Variants in UGGT2 observed in about 807,000 individuals in gnomAD.
The protein encoded by UGGT2 is UDP-glucose:glycoprotein glucosyltransferase 2.
UGGT2 carries 180 observed loss-of-function variants against 192.1 expected under a neutral mutation model. That is an observed-to-expected ratio of 0.94 (90% CI 0.83 to 1.06). The LOEUF (loss-of-function observed/expected upper bound fraction) is 1.06, where lower values mean the gene tolerates loss of function less well. UGGT2 is among the 50% of genes least tolerant of loss of function. The pLI, the probability that UGGT2 is intolerant of heterozygous loss-of-function variation, is 0.00. For missense variants in UGGT2, 1,849 were observed against 1,795.7 expected, an observed-to-expected ratio of 1.03 and a Z score of -0.54; for synonymous variants, 580 against 591.0, an observed-to-expected ratio of 0.98 and a Z score of 0.27.
At chr13:95,821,448 A>G (rs550515247) in intron 38 of UGGT2, among the ~76,000 whole-genome samples, 5 of 151,646 alleles carry the variant, frequency 3.3e-5, no homozygotes, top group Non-Finnish European at 7.4e-5. Flanking sequence ...TTTTCTTGCT[A>G]ATTTGAGTTT....
At chr13:95,970,023 A>G (rs1594470473) in intron 12 of UGGT2, 89 bp downstream of exon 12, 1 of 1,358,812 alleles carries the variant, frequency 7.4e-7, no homozygotes, top group African/African-American at 1.5e-5. Context: ...AAATGCTGAC[A>G]TTTATCATCA....
intron 37 of UGGT2, among the ~76,000 whole-genome samples, chr13:95,834,729 A>G (rs1887104615): frequency 6.6e-6 from 1 of 152,074 alleles, no homozygotes; most frequent in Non-Finnish European, 1.5e-5. Flanking sequence ...TGCTATTGCT[A>G]GGAAGTAGCT....
intron 4 of UGGT2, among the ~76,000 whole-genome samples, chr13:96,021,515 A>C (rs1329458361): frequency 1.3e-5 from 2 of 152,194 alleles, no homozygotes; most frequent in Non-Finnish European, 2.9e-5. Flanking sequence ...ACTTTACGAA[A>C]GTAGAATGAC....
chr13:95,805,074 C>A (rs1262966744), intron 38 of UGGT2, among the ~76,000 whole-genome samples: 1 of 151,610 alleles, frequency 6.6e-6, no homozygotes, highest in Non-Finnish European at 1.5e-5. Context: ...TATAAAGAAA[C>A]CCTGCAACTC....
intron 13 of UGGT2, 102 bp from the exon 14 acceptor site, chr13:95,948,183 G>T: frequency 1.4e-6 from 1 of 725,854 alleles, no homozygotes; most frequent in East Asian, 3.6e-5. Flanking sequence ...AATTCAATGT[G>T]TAATTTTTAA....
At chr13:95,862,680 G>C (rs1890270996) in intron 31 of UGGT2, among the ~76,000 whole-genome samples, 1 of 152,128 alleles carries the variant, frequency 6.6e-6, no homozygotes, top group Non-Finnish European at 1.5e-5. Context: ...TGTTTGGAAA[G>C]AGGCAACTTC....
At chr13:95,873,887 A>T (rs1187515079) in intron 29 of UGGT2, among the ~76,000 whole-genome samples, 2 of 152,126 alleles carry the variant, frequency 1.3e-5, no homozygotes, top group Non-Finnish European at 2.9e-5. Flanking sequence ...AGCATAAACA[A>T]GTTTCCTGTG....
chr13:95,815,984 C>T (rs374057438), intron 38 of UGGT2, among the ~76,000 whole-genome samples: 3 of 152,216 alleles, frequency 2.0e-5, no homozygotes, highest in Admixed American at 6.5e-5. Flanking sequence ...GCACCTTCCC[C>T]TTCTCTCTCG....
At chr13:95,936,813 G>T (rs2049480031) in intron 17 of UGGT2, 111 bp downstream of exon 17, 2 of 1,051,654 alleles carry the variant, frequency 1.9e-6, no homozygotes, top group Non-Finnish European at 2.6e-6. Context: ...ACTATGAAAT[G>T]ATCAGAATGG....
In UGGT2 at chr13:96,018,218, C is replaced by A. The variant is rs75070240; in HGVS notation, c.486-4737G>T. ...GCCCCAAAACTTTATAGACATAATA[C>A]GAAAATGTGAATGAAGATCAGGAGT... is the stretch of plus-strand genomic sequence containing the variant. On this transcript the variant is annotated intron_variant, in intron 4 of 38. Transcript: ENST00000376747. 5.9e-5 allele frequency among the ~76,000 whole-genome samples: 9 copies of A among 152,132 alleles called. No homozygotes were observed. The East Asian group carries it at 1.7e-3, about 29-fold the overall frequency.
intron 7 of UGGT2, 50 bp downstream of exon 7, chr13:95,996,013 T>G (rs757550996): frequency 1.5e-5 from 23 of 1,533,740 alleles, no homozygotes; most frequent in Non-Finnish European, 2.1e-5. Context: ...ATTAATTCCT[T>G]AAAAACCAAT....
chr13:95,807,715 CCT>C (rs1566531151), intron 38 of UGGT2, among the ~76,000 whole-genome samples: 5 of 48,040 alleles, frequency 1.0e-4, no homozygotes, highest in Admixed American at 3.0e-4. Flanking sequence ...TCAGCCCTCA[CCT>C]TTTTTTTTTT....
intron 38 of UGGT2, among the ~76,000 whole-genome samples, chr13:95,816,681 G>T (rs58887467): frequency 1.3e-5 from 2 of 152,216 alleles, no homozygotes; most frequent in Non-Finnish European, 2.9e-5. Context: ...AGGCACAACT[G>T]TTACAACAGA....
chr13:95,938,344 G>T (rs1305383586), intron 16 of UGGT2, among the ~76,000 whole-genome samples: 1 of 152,168 alleles, frequency 6.6e-6, no homozygotes, highest in African/African-American at 2.4e-5. Context: ...GAGTTAAAAA[G>T]TGACTAAATA....
chr13:95,932,307 TTATTTGTGTG>T lies in UGGT2; in HGVS notation c.1977+4607_1977+4616del, dbSNP rs2049310251. Among the ~76,000 whole-genome samples, 8 of 107,272 alleles carry T rather than the reference TTATTTGTGTG, an allele frequency of 7.5e-5. No individual in the cohort carries two copies. In the Admixed American group the frequency reaches 7.8e-4, roughly 10 times the overall value. The allele number at this position is 107,272 out of a possible 152,430, so 70.4% of individuals were successfully genotyped here. A position where few individuals can be genotyped will look rare whatever the true frequency, so the allele number is the denominator to read the frequency against. ...TTAGTTAGCTGTATTCCTAGGTATT[TTATTTGTGTG>T]TGTGTGTGTGTGTGTGTGTGTGTGT... On this transcript the variant is annotated intron_variant, in intron 17 of 38. Transcript: ENST00000376747.
intron 16 of UGGT2, among the ~76,000 whole-genome samples, chr13:95,937,483 C>A (rs1411557): frequency 0.59 from 89,003 of 152,012 alleles, 26,237 homozygotes; most frequent in East Asian, 0.68. Context: ...ACTTAATAAA[C>A]ATCCAAACAT....
Position 95,986,393 on chromosome 13 carries a change from G to A in UGGT2, c.971C>T (p.Pro324Leu), listed in dbSNP as rs188996785. The A allele has an allele frequency of 2.5e-6, 4 of 1,603,110 alleles. No homozygotes were observed. The highest frequency in any genetic ancestry group is 2.7e-5 in the African/African-American group (2 of 74,746). Residue 324 changes from proline to leucine, a missense_variant, in exon 9 of 39, where the codon CCA becomes CTA. By Grantham distance (98) the Pro-to-Leu change is moderately conservative. Coordinates refer to ENST00000376747, the MANE Select transcript of UGGT2 (RefSeq NM_020121.4). ...CATTAATTTAATGGAATCATAAACT[G>A]GAGCGGACATTATTTGAGAAGCTGC... ...FQAASQIMSA[P>L]VYDSIKLMKD... is the part of the protein sequence containing the mutation.
chr13:95,913,638 G>T (rs1417871490), intron 20 of UGGT2, among the ~76,000 whole-genome samples: 1 of 152,220 alleles, frequency 6.6e-6, no homozygotes, highest in Non-Finnish European at 1.5e-5. Context: ...CACTGTTGGT[G>T]TGAGTGTAAA....
chr13:95,853,473 G>C, intron 36 of UGGT2, 70 bp downstream of exon 36: 1 of 1,266,076 alleles, frequency 7.9e-7, no homozygotes, highest in African/African-American at 1.5e-5. Context: ...AGACTTTAAA[G>C]TTTATGAGCA....
Sources: gnomAD v4.1 joint callset for allele counts (sites outside exome capture counted in the v4.1 genomes callset) on GRCh38, gnomAD v4.1.1 for gene constraint, MANE v1.5 for transcripts, NCBI Gene and HGNC (gene_info 2026-07-23, HGNC 2026-07-21) for gene names.